ABCC4: variants seen among roughly 807,000 people sequenced by gnomAD.
ABCC4 encodes the protein ATP binding cassette subfamily C member 4 (PEL blood group).
In ABCC4, 102 loss-of-function variants were observed where a neutral mutation model predicts 168.5. That is an observed-to-expected ratio of 0.61 (90% CI 0.52 to 0.71). ABCC4 has a LOEUF of 0.71. Among genes scored for constraint, ABCC4 ranks in the 30% least tolerant of loss-of-function variants. The probability of loss-of-function intolerance (pLI) is 0.00; values close to 1 mark genes in which losing one functional copy is unlikely to be tolerated. For missense variants in ABCC4, 1,402 were observed against 1,605.8 expected, an observed-to-expected ratio of 0.87 and a Z score of 2.17; for synonymous variants, 617 against 590.7, an observed-to-expected ratio of 1.04 and a Z score of -0.65.
intron 10 of ABCC4, among the ~76,000 whole-genome samples, chr13:95,187,929 A>G (rs1360212907): frequency 6.6e-6 from 1 of 152,190 alleles, no homozygotes; most frequent in Non-Finnish European, 1.5e-5. Flanking sequence ...GTCTCACCCC[A>G]GATACCAGAA....
chr13:95,115,914 A>G lies in ABCC4; in HGVS notation c.2535+8T>C, dbSNP rs937908780. ...CATTTGAGATCCTGACATTACTCTC[A>G]ACGTTACCTGGATGAAATCTAAAAA... On this transcript the variant is annotated splice_region_variant and intron_variant, in intron 20 of 30. Transcript: ENST00000645237. 1 of 1,609,480 alleles carries G rather than the reference A, an allele frequency of 6.2e-7. No individual in the cohort carries two copies. Among genetic ancestry groups the G allele is most frequent in the Admixed American group, 1.7e-5 (1 of 59,206 alleles).
chr13:95,024,207 A>AAAAC (rs72136958), intron 30 of ABCC4, among the ~76,000 whole-genome samples: 3,100 of 106,796 alleles, frequency 0.029, 72 homozygotes, highest in African/African-American at 0.068. Context: ...AGACTGTCTC[A>AAAAC]AAAAAAAAAA....
chr13:95,234,276 A>G, intron 4 of ABCC4, among the ~76,000 whole-genome samples: 1 of 152,360 alleles, frequency 6.6e-6, no homozygotes, highest in Middle Eastern at 3.4e-3. Context: ...ATTTTTAATT[A>G]GATTTCATTA....
rs951393322 is a variant in ABCC4, at chr13:95,228,594, G to T, written c.531+6016C>A. Among the ~76,000 whole-genome samples, 4 of 152,002 alleles carry T rather than the reference G, an allele frequency of 2.6e-5. No individual in the cohort carries two copies. In the South Asian group the frequency reaches 8.3e-4, roughly 32 times the overall value. ...GTTCGCGACCAGCCTGGCCAACATGGTGAAATGCCGTCTCTACTAAAAATA... is the reference window on the plus strand; with the variant it reads ...GTTCGCGACCAGCCTGGCCAACATGTTGAAATGCCGTCTCTACTAAAAATA... On this transcript the variant is annotated intron_variant, in intron 4 of 30. Coordinates refer to ENST00000645237, the MANE Select transcript of ABCC4 (RefSeq NM_005845.5).
At chr13:95,262,647 T>C (rs373789825) in intron 1 of ABCC4, among the ~76,000 whole-genome samples, 143 of 142,166 alleles carry the variant, frequency 1.0e-3, no homozygotes, top group African/African-American at 2.4e-3. Flanking sequence ...TTTTTTTTTT[T>C]CCCAAGACGG....
Position 95,247,689 on chromosome 13 carries a change from C to A in ABCC4, c.139G>T (p.Val47Leu), listed in dbSNP as rs746119496. The A allele has an allele frequency of 1.9e-6, 3 of 1,613,934 alleles. No individual in the cohort carries two copies. The African/African-American group carries it at 4.0e-5, about 22-fold the overall frequency. Residue 47 changes from valine to leucine, a missense_variant, in exon 2 of 31, where the codon GTG (valine) becomes TTG (leucine). By Grantham distance (32) the Val-to-Leu change is conservative (BLOSUM62 1). This residue lies in a region of ABCC4 where 317 missense variants were observed against 345.5 expected (regional missense o/e 0.92). Transcript: ENST00000645237. ...RRLEEDDMYSVLPEDRSQHLG... is the reference protein window; with the variant it reads ...RRLEEDDMYSLLPEDRSQHLG... ...TGCTGTGAGCGGTCTTCTGGCAGCA[C>A]TGAATACATATCATCTTCCTCTAAT...
intron 19 of ABCC4, among the ~76,000 whole-genome samples, chr13:95,147,277 G>A (rs1276035189): frequency 1.3e-5 from 2 of 152,122 alleles, no homozygotes. Flanking sequence ...TTAATTGTTA[G>A]TTTATTAATG....
At chr13:95,137,040 T>C (rs2036164917) in intron 19 of ABCC4, among the ~76,000 whole-genome samples, 1 of 152,224 alleles carries the variant, frequency 6.6e-6, no homozygotes, top group South Asian at 2.1e-4. Context: ...ATGGTAGGCA[T>C]AAAGGTAGAT....
intron 1 of ABCC4, among the ~76,000 whole-genome samples, chr13:95,294,154 CA>C (rs2041468743): frequency 6.6e-6 from 1 of 151,802 alleles, no homozygotes; most frequent in Non-Finnish European, 1.5e-5. Context: ...CCAGCCTGGC[CA>C]ACACAGCAAA....
intron 24 of ABCC4, among the ~76,000 whole-genome samples, chr13:95,072,375 C>T (rs1566392214): frequency 6.6e-6 from 1 of 152,106 alleles, no homozygotes; most frequent in Non-Finnish European, 1.5e-5. Context: ...GCAGGAAAAT[C>T]GCTTGAACCC....
intron 19 of ABCC4, among the ~76,000 whole-genome samples, chr13:95,151,682 C>T (rs978982492): frequency 6.6e-6 from 1 of 151,982 alleles, no homozygotes; most frequent in African/African-American, 2.4e-5. Context: ...CATCCACTGT[C>T]GGCAACTATT....
At position 95,081,477 on chromosome 13, in the gene ABCC4, G is replaced by A. The variant is rs548608125; in HGVS notation, c.2686+1663C>T. On this transcript the variant is annotated intron_variant, in intron 21 of 30. Coordinates refer to ENST00000645237, the MANE Select transcript of ABCC4 (RefSeq NM_005845.5). ...CAACACTGGCTAGGGCCAGTCATCTGCACAAGGAAGGTCTCCCAGCAATTA... is the reference window on the plus strand; with the variant it reads ...CAACACTGGCTAGGGCCAGTCATCTACACAAGGAAGGTCTCCCAGCAATTA... Among the ~76,000 whole-genome samples the A allele has an allele frequency of 5.3e-5, 8 of 152,302 alleles. No homozygotes were observed. In the South Asian group the frequency reaches 1.0e-3, roughly 20 times the overall value.
chr13:95,182,299 G>T (rs1016895628), intron 11 of ABCC4, among the ~76,000 whole-genome samples: 5 of 151,636 alleles, frequency 3.3e-5, no homozygotes, highest in Non-Finnish European at 5.9e-5. Context: ...AGAGTCAAGT[G>T]AGCTATATAG....
At chr13:95,175,576 G>T (rs1365578993) in intron 13 of ABCC4, among the ~76,000 whole-genome samples, 2 of 152,204 alleles carry the variant, frequency 1.3e-5, no homozygotes, top group Non-Finnish European at 2.9e-5. Context: ...CCAAAGTGCT[G>T]GGATTACAGG....
At chr13:95,188,737 G>T (rs1336086765) in intron 9 of ABCC4, among the ~76,000 whole-genome samples, 195 bp from the exon 10 acceptor site, 1 of 152,006 alleles carries the variant, frequency 6.6e-6, no homozygotes, top group African/African-American at 2.4e-5. Context: ...ACACAGTTTG[G>T]AGTCTTCAGT....
In ABCC4 at chr13:95,163,208, T is replaced by C; in HGVS notation, c.2222A>G (p.Lys741Arg). 1.2e-6 allele frequency: 2 copies of C among 1,610,478 alleles called. No homozygotes were observed. Among genetic ancestry groups the C allele is most frequent in the African/African-American group, 2.7e-5 (2 of 74,922 alleles). Residue 741 changes from lysine to arginine, a missense_variant, in exon 18 of 31, where the codon AAA becomes AGA. Transcript: ENST00000645237. ...TACAGTGACATTTAGCATACTTTGTTTGTTTGCCCTATGGAACATGGGGAG... is the reference window on the plus strand; with the variant it reads ...TACAGTGACATTTAGCATACTTTGTCTGTTTGCCCTATGGAACATGGGGAG... ...QDWWLSYWAN[K>R]QSMLNVTVNG...
chr13:95,279,366 TAAC>T (rs2041055599), intron 1 of ABCC4, among the ~76,000 whole-genome samples: 1 of 152,238 alleles, frequency 6.6e-6, no homozygotes, highest in Non-Finnish European at 1.5e-5. Context: ...GCATCAAATT[TAAC>T]CTCTGTGCAC....
intron 19 of ABCC4, among the ~76,000 whole-genome samples, chr13:95,139,714 T>C (rs2036255867): frequency 1.3e-5 from 2 of 152,344 alleles, no homozygotes; most frequent in South Asian, 4.1e-4. Flanking sequence ...CTTCAAGATA[T>C]TTAACCATCC....
intron 19 of ABCC4, among the ~76,000 whole-genome samples, chr13:95,141,696 T>C (rs1671481529): frequency 1.3e-5 from 2 of 152,222 alleles, no homozygotes; most frequent in South Asian, 2.1e-4. Context: ...GAGAAGCTAA[T>C]CCAATCATCC....
Sources: gnomAD v4.1 joint callset for allele counts (sites outside exome capture counted in the v4.1 genomes callset) on GRCh38, gnomAD v4.1.1 for gene constraint, gnomAD v4.1.1 regional missense constraint, MANE v1.5 for transcripts, NCBI Gene and HGNC (gene_info 2026-07-23, HGNC 2026-07-21) for gene names.